PRKCZ: variants seen among roughly 807,000 people sequenced by gnomAD.
PRKCZ encodes protein kinase C zeta type.
Under a neutral mutation model 79.5 loss-of-function variants are expected in PRKCZ, and 33 were observed. The observed-to-expected ratio is 0.41, with a 90% CI of 0.31 to 0.55. The LOEUF (loss-of-function observed/expected upper bound fraction) is 0.55, where lower values mean the gene tolerates loss of function less well. PRKCZ is among the 20% of genes least tolerant of loss of function. PRKCZ has a pLI of 0.19. For synonymous variants in PRKCZ, 342 were observed against 320.9 expected (o/e 1.07, Z -0.70); for missense variants, 578 against 813.5 (o/e 0.71, Z 3.52).
At chr1:2,183,992 C>T (rs1488788805) in intron 16 of PRKCZ, 1 of 153,040 alleles carries the variant, frequency 6.5e-6, no homozygotes, top group African/African-American at 2.4e-5. Flanking sequence ...TGTCCTCACC[C>T]GTATGTGTTG....
intron 3 of PRKCZ, among the ~76,000 whole-genome samples, chr1:2,057,522 C>G (rs893230324): frequency 2.0e-5 from 3 of 152,202 alleles, no homozygotes; most frequent in Non-Finnish European, 4.4e-5. Flanking sequence ...ACCGGGCTAC[C>G]TGGTTACAAC....
intron 1 of PRKCZ, among the ~76,000 whole-genome samples, chr1:2,051,490 G>C (rs1234226602): frequency 6.6e-6 from 1 of 152,208 alleles, no homozygotes. Flanking sequence ...GTCTCCAGGA[G>C]CCCCGAACTG....
chr1:2,053,808 C>T (rs1182661467), intron 1 of PRKCZ, among the ~76,000 whole-genome samples: 3 of 152,192 alleles, frequency 2.0e-5, no homozygotes, highest in Non-Finnish European at 2.9e-5. Flanking sequence ...CAGCTTGGGG[C>T]GACCCCAGGG....
rs1031596197 is a variant in PRKCZ at position 2,127,443 on chromosome 1, G to A, written c.335-7819G>A. On this transcript the variant is annotated intron_variant, in intron 4 of 17. Transcript: ENST00000378567. The surrounding 1 kb of genome is among the most constrained non-coding windows in gnomAD (Gnocchi z 5.1). ...CCACGGCCACCCCAGATCCTCAGAC[G>A]CCCCTCCCTGTGCCTTCTCACCCTC... Among the ~76,000 whole-genome samples, 1 of 142,432 alleles carries A rather than the reference G, an allele frequency of 7.0e-6. No individual in the cohort carries two copies. Among genetic ancestry groups the A allele is most frequent in the Non-Finnish European group, 1.5e-5 (1 of 65,536 alleles). 93.4% of individuals were successfully genotyped at this position (142,432 alleles called of 152,430 possible). A position where few individuals can be genotyped will look rare whatever the true frequency, so the allele number is the denominator to read the frequency against.
In PRKCZ at chr1:2,050,610, C is replaced by A. The variant is rs1190302757; in HGVS notation, c.-21C>A. On this transcript the variant is annotated 5_prime_UTR_variant, in exon 1 of 18. Coordinates refer to ENST00000378567, the MANE Select transcript of PRKCZ (RefSeq NM_002744.6). ...CGGAGCTCCCGGGGCGCAGCGCTGA[C>A]GGCGGCGGGGGGAGCGCGCCATGCC... 4.9e-6 allele frequency: 6 copies of A among 1,216,804 alleles called. No individual in the cohort carries two copies. The highest frequency in any genetic ancestry group is 6.1e-6 in the Non-Finnish European group (6 of 977,102). The allele number at this position is 1,216,804 out of a possible 1,614,324, so 75.4% of individuals were successfully genotyped here.
intron 4 of PRKCZ, among the ~76,000 whole-genome samples, chr1:2,065,709 T>C (rs916156241): frequency 3.4e-5 from 5 of 148,408 alleles, no homozygotes; most frequent in African/African-American, 1.2e-4. Context: ...AAAAGTGGTG[T>C]GGTCAATCAT....
At chr1:2,099,530 C>T (rs925127380) in intron 4 of PRKCZ, among the ~76,000 whole-genome samples, 13 of 152,040 alleles carry the variant, frequency 8.6e-5, no homozygotes, top group Non-Finnish European at 1.2e-4. Context: ...TGGGGAAGGC[C>T]GTGGGGAGGA....
chr1:2,072,108 A>C (rs1661651007), intron 4 of PRKCZ, among the ~76,000 whole-genome samples: 1 of 152,218 alleles, frequency 6.6e-6, no homozygotes, highest in African/African-American at 2.4e-5. Context: ...AGTGAAACGC[A>C]TGTGTTAGGT....
Position 2,075,601 on chromosome 1 carries a change from GA to G in PRKCZ, c.334+16011del, listed in dbSNP as rs1281284903. ...TCAGAGCCACTGGTGGTTATGTAAGGAGTTGTGTGTTCCTCTGCCCAACTCC... is the reference window on the plus strand; with the variant it reads ...TCAGAGCCACTGGTGGTTATGTAAGGGTTGTGTGTTCCTCTGCCCAACTCC... On this transcript the variant is annotated intron_variant, in intron 4 of 17. Transcript: ENST00000378567. The surrounding 1 kb of genome is among the most constrained non-coding windows in gnomAD (Gnocchi z 4.8). Among the ~76,000 whole-genome samples the G allele has an allele frequency of 1.3e-5, 2 of 152,194 alleles. No homozygotes were observed.
rs1686431833 is a variant in PRKCZ, at chr1:2,180,665, GGACGACTCAGATCCACA to G, written c.1576-3915_1576-3899del. Reference sequence around the variant, plus strand: ...GGACACCCAGATGACATGGATGCACGGACGACTCAGATCCACAGATGACTCAAACGCACAGATGACTG... The same window carrying G: ...GGACACCCAGATGACATGGATGCACGGATGACTCAAACGCACAGATGACTG... On this transcript the variant is annotated intron_variant, in intron 16 of 17. Transcript: ENST00000378567. Among the ~76,000 whole-genome samples the G allele has an allele frequency of 1.3e-5, 2 of 152,164 alleles. 1 individual carries two copies. The highest frequency in any genetic ancestry group is 4.1e-4 in the South Asian group (2 of 4,832).
intron 4 of PRKCZ, among the ~76,000 whole-genome samples, chr1:2,095,049 C>T (rs1401012414): frequency 6.6e-6 from 1 of 152,200 alleles, no homozygotes. Context: ...TGCTCCGCCA[C>T]ACCCCAGGCC....
intron 4 of PRKCZ, among the ~76,000 whole-genome samples, chr1:2,098,003 C>T (rs980803946): frequency 3.9e-5 from 6 of 152,032 alleles, no homozygotes; most frequent in Non-Finnish European, 8.8e-5. Context: ...AGTAGCAGTA[C>T]GAGCCGGAGT....
intron 16 of PRKCZ, among the ~76,000 whole-genome samples, chr1:2,179,935 CAA>C (rs1350458231): frequency 1.3e-5 from 2 of 152,134 alleles, no homozygotes; most frequent in Admixed American, 1.3e-4. Flanking sequence ...GGGCAGGTGA[CAA>C]GAGGCCCACA....
intron 10 of PRKCZ, 129 bp downstream of exon 10, chr1:2,156,221 G>A (rs575169975): frequency 7.9e-6 from 6 of 762,894 alleles, no homozygotes; most frequent in Non-Finnish European, 1.3e-5. Context: ...GTGTTTTCAG[G>A]CCAGCAGACT....
At position 2,125,951 on chromosome 1, in the gene PRKCZ, T is replaced by A. The variant is rs1330234853; in HGVS notation, c.335-9311T>A. 6.6e-6 allele frequency among the ~76,000 whole-genome samples: 1 copy of A among 152,128 alleles called. No individual in the cohort carries two copies. The highest frequency in any genetic ancestry group is 1.5e-5 in the Non-Finnish European group (1 of 68,024). On this transcript the variant is annotated intron_variant, in intron 4 of 17. Coordinates refer to ENST00000378567, the MANE Select transcript of PRKCZ (RefSeq NM_002744.6). The surrounding 1 kb of genome is among the most constrained non-coding windows in gnomAD (Gnocchi z 4.2). ...TCCCGGGGGTCCATATTGGCCACTGTGGGAGAGAGTCGGGCAGCTGAATTC... is the reference window on the plus strand; with the variant it reads ...TCCCGGGGGTCCATATTGGCCACTGAGGGAGAGAGTCGGGCAGCTGAATTC...
At chr1:2,161,438 A>G (rs903646593) in intron 10 of PRKCZ, among the ~76,000 whole-genome samples, 6 of 152,184 alleles carry the variant, frequency 3.9e-5, no homozygotes, top group Non-Finnish European at 5.9e-5. Flanking sequence ...ACAGCTGCGC[A>G]TGCATCCTCC....
At chr1:2,054,551 ACT>A (rs1659976675) in intron 1 of PRKCZ, among the ~76,000 whole-genome samples, 1 of 146,576 alleles carries the variant, frequency 6.8e-6, no homozygotes, top group African/African-American at 2.6e-5. Context: ...AAACACACTG[ACT>A]CTGTGTGACT....
chr1:2,150,078 C>A (rs262671), intron 8 of PRKCZ, among the ~76,000 whole-genome samples: 34,639 of 146,726 alleles, frequency 0.24, 4,667 homozygotes, highest in Admixed American at 0.34. Flanking sequence ...AGGAGAATGG[C>A]GTGAACCCGG....
At chr1:2,096,462 G>A (rs7513222) in intron 4 of PRKCZ, among the ~76,000 whole-genome samples, 46,306 of 151,958 alleles carry the variant, frequency 0.3, 8,400 homozygotes, top group East Asian at 0.62. Flanking sequence ...CGCCAGGAAC[G>A]CGGTTGTACG....
Sources: gnomAD v4.1 joint callset for allele counts (sites outside exome capture counted in the v4.1 genomes callset) on GRCh38, gnomAD v4.1.1 for gene constraint, Gnocchi (gnomAD v3.1) non-coding constraint, MANE v1.5 for transcripts, NCBI Gene and HGNC (gene_info 2026-07-23, HGNC 2026-07-21) for gene names.